The following AP4M1 variants were observed in gnomAD, a reference collection of about 807,000 sequenced individuals.
AP4M1 encodes the protein AP-4 complex subunit mu-1.
Under a neutral mutation model 62.4 loss-of-function variants are expected in AP4M1, and 58 were observed. That is an observed-to-expected ratio of 0.93 (90% CI 0.75 to 1.16). The LOEUF is 1.16. Among genes scored for constraint, AP4M1 ranks in the 50% most tolerant of loss-of-function variants. The pLI, the probability that AP4M1 is intolerant of heterozygous loss-of-function variation, is 0.00. For synonymous variants in AP4M1, 290 were observed against 239.7 expected (o/e 1.21, Z -1.94); for missense variants, 626 against 585.4 (o/e 1.07, Z -0.72).
At chr7:100,101,308 C>A, upstream of AP4M1, 1 of 1,613,166 alleles carries the variant, frequency 6.2e-7, no homozygotes, top group Non-Finnish European at 8.5e-7. Context: ...TGCCGAGGGC[C>A]GTGCGGCCGC....
rs1178753227 is a variant in AP4M1 at position 100,108,154 on chromosome 7, C to T, written c.*1272C>T. 2.6e-6 allele frequency: 4 copies of T among 1,566,252 alleles called. No individual in the cohort carries two copies. The highest frequency in any genetic ancestry group is 3.4e-6 in the Non-Finnish European group (4 of 1,160,142). On this transcript the variant is annotated 3_prime_UTR_variant, in exon 15 of 15. Coordinates refer to ENST00000359593, the MANE Select transcript of AP4M1 (RefSeq NM_004722.4). ...GGGAGAAGAGGAAAGGGGGAAGTGG[C>T]ACCATCTACTAAGAAGAGGAGTCTG...
At chr7:100,105,853 G>A in intron 11 of AP4M1, 106 bp from the exon 12 acceptor site, 1 of 1,349,812 alleles carries the variant, frequency 7.4e-7, no homozygotes, top group Non-Finnish European at 1.1e-6. Flanking sequence ...TCCCTCTTGG[G>A]AGTACAGCCC....
chr7:100,101,969 G>GT lies in AP4M1; in HGVS notation c.147+2dup. 6.2e-7 allele frequency: 1 copy of GT among 1,613,180 alleles called. No individual in the cohort carries two copies. Among genetic ancestry groups the GT allele is most frequent in the Non-Finnish European group, 8.5e-7 (1 of 1,179,922 alleles). ...AGGAGACGAGTCCCCGGTTGTCATG[G>GT]TAACCAGTGGCGGGAGGCGGGTGAG... is the stretch of plus-strand genomic sequence containing the variant. On this transcript the variant is annotated splice_donor_variant, in intron 2 of 14. Transcript: ENST00000359593. LOFTEE classifies it high-confidence loss of function.
In AP4M1 at chr7:100,106,253, T is replaced by C. The variant is rs769784791; in HGVS notation, c.987T>C (p.Asn329=). 1 of 1,614,108 alleles carries C rather than the reference T, an allele frequency of 6.2e-7. No homozygotes were observed. The highest frequency in any genetic ancestry group is 8.5e-7 in the Non-Finnish European group (1 of 1,180,028). ...GTCTCCTCTGTAGCCAAGCCCTCAA[T>C]GTCAGGCTGCACCTCCCCCTGCCTC... ...CDLLSKSQAL[N]VRLHLPLPRG... The change falls in exon 13 of 15, where the codon AAT becomes AAC. Residue 329 remains asparagine (N), a synonymous_variant. Transcript: ENST00000359593.
At chr7:100,106,349 C>G (rs1487862653) in intron 13 of AP4M1, 54 bp from the exon 14 acceptor site, 1 of 1,612,320 alleles carries the variant, frequency 6.2e-7, no homozygotes, top group African/African-American at 1.3e-5. Flanking sequence ...CTCAGCATGA[C>G]GGGTCTGCCT....
Position 100,108,239 on chromosome 7 carries a change from T to A in AP4M1, c.*1357T>A, listed in dbSNP as rs549883866. On this transcript the variant is annotated 3_prime_UTR_variant, in exon 15 of 15. Transcript: ENST00000359593. ...AGTGGCTCTCACTAGGGCTGGGGCA[T>A]CCTCACTCAGGGCCTGGTTGCCCTG... 1 of 1,456,528 alleles carries A rather than the reference T, an allele frequency of 6.9e-7. No homozygotes were observed. Among genetic ancestry groups the A allele is most frequent in the African/African-American group, 1.4e-5 (1 of 71,252 alleles). The allele number at this position is 1,456,528 out of a possible 1,614,324, so 90.2% of individuals were successfully genotyped here.
Position 100,107,747 on chromosome 7 carries a change from C to G in AP4M1, c.*865C>G. 6.9e-7 allele frequency: 1 copy of G among 1,450,894 alleles called. No individual in the cohort carries two copies. The highest frequency in any genetic ancestry group is 9.2e-7 in the Non-Finnish European group (1 of 1,088,528). The allele number at this position is 1,450,894 out of a possible 1,614,324, so 89.9% of individuals were successfully genotyped here. ...TTCCTGTAGTTCACCCTGTAGACAG[C>G]TATGGCTGGAGACCTTGTTCATGCA... On this transcript the variant is annotated 3_prime_UTR_variant, in exon 15 of 15. Transcript: ENST00000359593.
chr7:100,104,787 C>T (rs547555427), intron 7 of AP4M1, 87 bp from the exon 8 acceptor site: 106 of 1,485,400 alleles, frequency 7.1e-5, no homozygotes, highest in South Asian at 2.6e-4. Flanking sequence ...GCCGAGATCA[C>T]GCCACTGCCA....
In AP4M1 at chr7:100,106,443, C is replaced by A; in HGVS notation, c.1066C>A (p.Leu356Met). 1 of 1,613,950 alleles carries A rather than the reference C, an allele frequency of 6.2e-7. No homozygotes were observed. Among genetic ancestry groups the A allele is most frequent in the Non-Finnish European group, 8.5e-7 (1 of 1,180,034 alleles). ...ELSSPEQKAE[L>M]AEGALRWDLP... ...GAGCAGCCCAGAGCAGAAGGCTGAGCTGGCAGAGGGAGCCCTTCGCTGGGA... is the reference window on the plus strand; with the variant it reads ...GAGCAGCCCAGAGCAGAAGGCTGAGATGGCAGAGGGAGCCCTTCGCTGGGA... The change falls in exon 14 of 15, where the codon CTG becomes ATG. Residue 356 changes from leucine to methionine, a missense_variant. By Grantham distance (15) the Leu-to-Met change is conservative. Transcript: ENST00000359593.
At chr7:100,103,552 AG>A (rs1796231111) in intron 5 of AP4M1, 33 bp downstream of exon 5, 1 of 1,613,684 alleles carries the variant, frequency 6.2e-7, no homozygotes, top group Non-Finnish European at 8.5e-7. Flanking sequence ...GTGAGGAAAG[AG>A]AAGAGGGGTT....
In AP4M1 at chr7:100,102,043, G is replaced by A. The variant is rs1452412872; in HGVS notation, c.147+75G>A. 7 of 1,517,620 alleles carry A rather than the reference G, an allele frequency of 4.6e-6. No homozygotes were observed. The South Asian group carries it at 6.8e-5, about 15-fold the overall frequency. 94.0% of individuals were successfully genotyped at this position (1,517,620 alleles called of 1,614,324 possible). On this transcript the variant is annotated intron_variant, in intron 2 of 14. Transcript: ENST00000359593. ...TGGGCGCCAGCTCCCTCCCAGGACT[G>A]GTTCATTGGTAGATTCCACTTGGGG... is the stretch of plus-strand genomic sequence containing the variant.
Position 100,107,121 on chromosome 7 carries a change from TA to T in AP4M1, c.*244del. The T allele has an allele frequency of 1.4e-6, 2 of 1,396,370 alleles. No homozygotes were observed. The highest frequency in any genetic ancestry group is 9.5e-7 in the Non-Finnish European group (1 of 1,049,460). The allele number at this position is 1,396,370 out of a possible 1,614,324, so 86.5% of individuals were successfully genotyped here. On this transcript the variant is annotated 3_prime_UTR_variant, in exon 15 of 15. Transcript: ENST00000359593. ...TCTGAGAAACTGGCTGTACAATATC[TA>T]AAAAGAAAGTGACATGAAGGAAGCA...
chr7:100,108,301 G>C lies in AP4M1; in HGVS notation c.*1419G>C, dbSNP rs1796777794. ...TGAGGGCACATGTGGCTGTGTGCAA[G>C]TGCCTGTCCCACACAGGGGTTCTCC... On this transcript the variant is annotated 3_prime_UTR_variant, in exon 15 of 15. Transcript: ENST00000359593. 4.6e-5 allele frequency: 70 copies of C among 1,527,334 alleles called. No homozygotes were observed. The highest frequency in any genetic ancestry group is 6.1e-5 in the Non-Finnish European group (70 of 1,139,230). 94.6% of individuals were successfully genotyped at this position (1,527,334 alleles called of 1,614,324 possible). A position where few individuals can be genotyped will look rare whatever the true frequency, so the allele number is the denominator to read the frequency against.
Position 100,102,919 on chromosome 7 carries a change from C to G in AP4M1, c.310C>G (p.Arg104Gly). The change falls in exon 4 of 15, where the codon CGC becomes GGC. Residue 104 changes from arginine to glycine, a missense_variant. Transcript: ENST00000359593. ...CGSLGEGTISRNVALVYELLD... is the reference protein window; with the variant it reads ...CGSLGEGTISGNVALVYELLD... Reference sequence around the variant, plus strand: ...CTCCCTGGGCGAGGGGACCATCTCCCGCAATGTGGCTCTGGTATACGAACT... The same window carrying G: ...CTCCCTGGGCGAGGGGACCATCTCCGGCAATGTGGCTCTGGTATACGAACT... 1 of 1,614,088 alleles carries G rather than the reference C, an allele frequency of 6.2e-7. No individual in the cohort carries two copies. Among genetic ancestry groups the G allele is most frequent in the Non-Finnish European group, 8.5e-7 (1 of 1,180,020 alleles).
At chr7:100,102,410 A>G (rs1260149666) in intron 2 of AP4M1, 136 of 100,698 alleles carry the variant, frequency 1.4e-3, no homozygotes, top group Non-Finnish European at 1.8e-3. Flanking sequence ...GGGGGTGGGG[A>G]AAAAAAAAAA....
At chr7:100,103,887 C>CAAAAAAA (rs10671291) in intron 6 of AP4M1, among the ~76,000 whole-genome samples, 195 bp downstream of exon 6, 22 of 92,018 alleles carry the variant, frequency 2.4e-4, no homozygotes, top group South Asian at 3.7e-4. Flanking sequence ...ACTAAAAATG[C>CAAAAAAA]AAAAAAAAAA....
chr7:100,104,515 C>T (rs1387968398), intron 7 of AP4M1, among the ~76,000 whole-genome samples: 2 of 150,604 alleles, frequency 1.3e-5, no homozygotes, highest in Admixed American at 1.3e-4. Context: ...CAGAGCAAGA[C>T]CCTGTCTCTT....
At chr7:100,102,224 T>TA in intron 2 of AP4M1, 8 of 529,606 alleles carry the variant, frequency 1.5e-5, no homozygotes, top group African/African-American at 2.1e-5. Flanking sequence ...CTACTAAAAA[T>TA]ACAAAAAAAA....
At position 100,102,746 on chromosome 7, in the gene AP4M1, C is replaced by T. The variant is rs762876619; in HGVS notation, c.219C>T (p.Asn73=). ...ATTTGGTGGTCACAACTTCAGAAAA[C>T]GTTTCTCCCTTCAGCCTCCTAGAAC... The part of the protein sequence containing the change: ...GLYLVVTTSE[N]VSPFSLLELL... Residue 73 remains asparagine (N), a synonymous_variant, in exon 3 of 15, where the codon AAC becomes AAT. Transcript: ENST00000359593. The T allele has an allele frequency of 1.9e-6, 3 of 1,614,036 alleles. No homozygotes were observed. Among genetic ancestry groups the T allele is most frequent in the African/African-American group, 1.3e-5 (1 of 74,912 alleles).
Sources: gnomAD v4.1 joint callset for allele counts (sites outside exome capture counted in the v4.1 genomes callset) on GRCh38, gnomAD v4.1.1 for gene constraint, MANE v1.5 for transcripts, NCBI Gene and HGNC (gene_info 2026-07-23, HGNC 2026-07-21) for gene names.